The following TENM3 variants were observed in gnomAD, a reference collection of about 807,000 sequenced individuals.
TENM3 encodes the protein teneurin-3.
Under a neutral mutation model 255.1 loss-of-function variants are expected in TENM3, and 63 were observed. That is an observed-to-expected ratio of 0.25 (90% confidence interval 0.20 to 0.30). The LOEUF is 0.30. Among genes scored for constraint, TENM3 ranks in the 10% least tolerant of loss-of-function variants. TENM3 has a pLI of 1.00. For synonymous variants in TENM3, 1,306 were observed against 1,322.3 expected, an observed-to-expected ratio of 0.99 and a Z score of 0.27; for missense variants, 2,929 against 3,461.1, an observed-to-expected ratio of 0.85 and a Z score of 3.86.
intron 3 of TENM3, among the ~76,000 whole-genome samples, chr4:182,475,350 G>C (rs1188288583): frequency 6.6e-6 from 1 of 151,984 alleles, no homozygotes; most frequent in Admixed American, 6.6e-5. Context: ...AACTGGTCGT[G>C]GAATGGAGAA....
intron 2 of TENM3, among the ~76,000 whole-genome samples, chr4:182,344,449 G>A (rs565923530): frequency 5.3e-5 from 8 of 152,150 alleles, no homozygotes; most frequent in African/African-American, 1.7e-4. Flanking sequence ...TCAATTCATA[G>A]GGATGATGTG....
the TENM3 span, among the ~76,000 whole-genome samples, chr4:181,653,652 G>C: frequency 2.7e-5 from 4 of 150,772 alleles, no homozygotes; most frequent in African/African-American, 4.9e-5. Context: ...GCCCGCCTTG[G>C]CCTCCCAAAG....
chr4:182,580,253 G>A (rs1463039214), intron 3 of TENM3, among the ~76,000 whole-genome samples: 1 of 151,946 alleles, frequency 6.6e-6, no homozygotes, highest in African/African-American at 2.4e-5. Context: ...TTGGAAGTTT[G>A]GTTCTTTCCT....
chr4:182,772,199 TATC>T (rs1194359133), intron 22 of TENM3, among the ~76,000 whole-genome samples: 4 of 150,176 alleles, frequency 2.7e-5, no homozygotes, highest in African/African-American at 7.3e-5. Flanking sequence ...GAAAAACCCC[TATC>T]ATCTCATAAA....
At chr4:181,807,391 TC>T in the TENM3 span, among the ~76,000 whole-genome samples, 43 of 152,246 alleles carry the variant, frequency 2.8e-4, no homozygotes, top group Admixed American at 2.8e-3. Context: ...TTCACTCTTG[TC>T]GCCCAGGCTG....
the TENM3 span, among the ~76,000 whole-genome samples, chr4:181,460,699 T>A: frequency 0.13 from 18,631 of 143,218 alleles, 1,429 homozygotes; most frequent in East Asian, 0.28. Flanking sequence ...TTTTCATGGT[T>A]GCTCATGGCT....
At chr4:182,604,091 A>G (rs1378731012) in intron 4 of TENM3, among the ~76,000 whole-genome samples, 3 of 152,166 alleles carry the variant, frequency 2.0e-5, no homozygotes, top group African/African-American at 7.2e-5. Context: ...TTTATTCAAA[A>G]GCATTCTTTT....
the TENM3 span, among the ~76,000 whole-genome samples, chr4:181,509,513 T>G: frequency 3.9e-5 from 6 of 152,194 alleles, no homozygotes; most frequent in African/African-American, 1.2e-4. Flanking sequence ...TTTAAGCCTC[T>G]GAGTTTAATC....
chr4:181,910,678 T>A, the TENM3 span, among the ~76,000 whole-genome samples: 1 of 151,392 alleles, frequency 6.6e-6, no homozygotes, highest in Non-Finnish European at 1.5e-5. Flanking sequence ...AGTCTCACTA[T>A]GTTGTCCAGG....
the TENM3 span, among the ~76,000 whole-genome samples, chr4:182,003,995 A>G: frequency 6.6e-6 from 1 of 152,166 alleles, no homozygotes; most frequent in Non-Finnish European, 1.5e-5. Flanking sequence ...CCAATGGGGA[A>G]AAACATTCAT....
chr4:182,082,143 C>A, the TENM3 span, among the ~76,000 whole-genome samples: 37 of 152,294 alleles, frequency 2.4e-4, no homozygotes, highest in African/African-American at 8.2e-4. Context: ...AGAAATTCAT[C>A]TCTCATAGTT....
intron 3 of TENM3, among the ~76,000 whole-genome samples, chr4:182,571,936 C>T (rs1343470450): frequency 6.6e-6 from 1 of 152,204 alleles, no homozygotes; most frequent in African/African-American, 2.4e-5. Flanking sequence ...GAGTCTCGCT[C>T]TGTCACCCAG....
intron 1 of TENM3, among the ~76,000 whole-genome samples, chr4:182,272,442 G>C (rs923484737): frequency 1.3e-5 from 2 of 152,178 alleles, no homozygotes; most frequent in Non-Finnish European, 2.9e-5. Flanking sequence ...GAAATGAGAC[G>C]AGAGCAAATC....
At chr4:182,653,920 GTT>G in intron 6 of TENM3, 27 bp downstream of exon 6, 1 of 1,580,436 alleles carries the variant, frequency 6.3e-7, no homozygotes, top group Non-Finnish European at 8.6e-7. Flanking sequence ...TGTATCCTGT[GTT>G]TCTCTTTTAA....
intron 16 of TENM3, among the ~76,000 whole-genome samples, chr4:182,736,228 C>G (rs1407202452): frequency 6.6e-6 from 1 of 152,116 alleles, no homozygotes; most frequent in African/African-American, 2.4e-5. Flanking sequence ...TTTTGTTATC[C>G]TTACTGTCTT....
At chr4:181,783,704 AT>A in the TENM3 span, among the ~76,000 whole-genome samples, 1 of 152,052 alleles carries the variant, frequency 6.6e-6, no homozygotes, top group Non-Finnish European at 1.5e-5. Context: ...TTGGTTTGGA[AT>A]TTTTTAGAGA....
chr4:182,441,810 G>A (rs1266903848), intron 3 of TENM3, among the ~76,000 whole-genome samples: 1 of 152,140 alleles, frequency 6.6e-6, no homozygotes, highest in Non-Finnish European at 1.5e-5. Context: ...ATAGGCGTGA[G>A]CCACTGTACC....
chr4:181,612,076 C>T, the TENM3 span, among the ~76,000 whole-genome samples: 7 of 152,132 alleles, frequency 4.6e-5, no homozygotes, highest in African/African-American at 1.2e-4. Flanking sequence ...TCAGGGATCT[C>T]GTGTTCCTTT....
intron 3 of TENM3, among the ~76,000 whole-genome samples, chr4:182,427,297 C>T (rs1283049705): frequency 1.3e-5 from 2 of 152,114 alleles, no homozygotes; most frequent in Admixed American, 6.6e-5. Context: ...TTTTAAAATA[C>T]AATTCTGATT....
Sources: allele counts gnomAD v4.1 joint callset (sites outside exome capture counted in the v4.1 genomes callset), GRCh38; gene constraint gnomAD v4.1.1; transcripts MANE v1.5; gene names NCBI Gene and HGNC (gene_info 2026-07-23, HGNC 2026-07-21).